HS3ST5: variants seen among roughly 807,000 people sequenced by gnomAD.
HS3ST5 encodes heparan sulfate-glucosamine 3-sulfotransferase 5, also known as heparan sulfate glucosamine 3-O-sulfotransferase 5.
A neutral mutation model predicts 25.4 loss-of-function variants in HS3ST5; 10 were observed. That is an observed-to-expected ratio of 0.39 (90% CI 0.24 to 0.67). The LOEUF (loss-of-function observed/expected upper bound fraction) is 0.67. Among genes scored for constraint, HS3ST5 ranks in the 30% least tolerant of loss-of-function variants. The pLI is 0.44. For missense variants in HS3ST5, 324 were observed against 420.7 expected (o/e 0.77, Z 2.01); for synonymous variants, 170 against 162.4 (o/e 1.05, Z -0.36).
At chr6:114,239,488 G>C (rs1429974725) in intron 1 of HS3ST5, among the ~76,000 whole-genome samples, 7 of 152,154 alleles carry the variant, frequency 4.6e-5, no homozygotes, top group African/African-American at 7.2e-5. Context: ...AGATGTATGA[G>C]GTAAACAATA....
chr6:114,206,813 T>C (rs967125132), intron 2 of HS3ST5, among the ~76,000 whole-genome samples: 14 of 152,240 alleles, frequency 9.2e-5, no homozygotes, highest in Non-Finnish European at 1.5e-4. Context: ...ATAAGTTTTA[T>C]TTAATCCTGA....
intron 1 of HS3ST5, among the ~76,000 whole-genome samples, chr6:114,276,746 T>C (rs1252153344): frequency 6.6e-6 from 1 of 152,012 alleles, no homozygotes; most frequent in East Asian, 1.9e-4. Context: ...TAGGACAGTT[T>C]CTACAGCAAC....
intron 1 of HS3ST5, among the ~76,000 whole-genome samples, chr6:114,256,759 C>T (rs753845091): frequency 5.3e-5 from 8 of 152,204 alleles, no homozygotes; most frequent in Non-Finnish European, 1.0e-4. Context: ...CCAACCTCTG[C>T]CTGTTACCCA....
chr6:114,204,576 T>G (rs1365781869), intron 2 of HS3ST5, among the ~76,000 whole-genome samples: 1 of 152,202 alleles, frequency 6.6e-6, no homozygotes. Flanking sequence ...TATTTACATA[T>G]ATTTTTAAAA....
At chr6:114,170,992 C>T (rs4945513) in intron 2 of HS3ST5, among the ~76,000 whole-genome samples, 16,826 of 152,050 alleles carry the variant, frequency 0.11, 1,115 homozygotes, top group South Asian at 0.21. Flanking sequence ...ATTGTGGACT[C>T]CTAGTGAGCT....
chr6:114,091,611 G>T (rs1287918419), intron 3 of HS3ST5, among the ~76,000 whole-genome samples: 1 of 152,016 alleles, frequency 6.6e-6, no homozygotes, highest in Non-Finnish European at 1.5e-5. Context: ...ATGAACCCGG[G>T]AGGCAGAGCT....
intron 3 of HS3ST5, among the ~76,000 whole-genome samples, chr6:114,126,717 AG>A (rs1340004061): frequency 1.3e-5 from 2 of 152,130 alleles, no homozygotes; most frequent in East Asian, 1.9e-4. Context: ...TCCATTTTAA[AG>A]GGGTTTCTAG....
rs867677203 is a variant in HS3ST5, at chr6:114,306,253, A to G, written c.-339+35942T>C. 8.7e-4 allele frequency among the ~76,000 whole-genome samples: 90 copies of G among 103,572 alleles called. 1 individual carries two copies. The highest frequency in any genetic ancestry group is 1.5e-3 in the Admixed American group (17 of 11,020). The allele number at this position is 103,572 out of a possible 152,430, so 67.9% of individuals were successfully genotyped here. A position where few individuals can be genotyped will look rare whatever the true frequency, so the allele number is the denominator to read the frequency against. Reference sequence around the variant, plus strand: ...ATGAAATATACATATATATATATATATATACACACACACACACACACACAC... The same window carrying G: ...ATGAAATATACATATATATATATATGTATACACACACACACACACACACAC... On this transcript the variant is annotated intron_variant, in intron 1 of 4. Transcript: ENST00000312719.
At chr6:114,290,004 C>T (rs1774500431) in intron 1 of HS3ST5, among the ~76,000 whole-genome samples, 1 of 151,956 alleles carries the variant, frequency 6.6e-6, no homozygotes, top group Admixed American at 6.6e-5. Flanking sequence ...TCCAAAAAGC[C>T]ACAACAACTT....
chr6:114,337,422 T>C (rs914838721), intron 1 of HS3ST5, among the ~76,000 whole-genome samples: 8 of 152,170 alleles, frequency 5.3e-5, no homozygotes, highest in Non-Finnish European at 1.2e-4. Context: ...TAACACAACA[T>C]TGACCTCTGT....
At chr6:114,066,334 A>G (rs992721047) in intron 3 of HS3ST5, among the ~76,000 whole-genome samples, 1 of 152,186 alleles carries the variant, frequency 6.6e-6, no homozygotes, top group African/African-American at 2.4e-5. Flanking sequence ...TTCTGATTCA[A>G]TGGGTATGCA....
intron 2 of HS3ST5, among the ~76,000 whole-genome samples, chr6:114,196,509 A>T (rs756873775): frequency 1.7e-4 from 26 of 152,152 alleles, no homozygotes; most frequent in Non-Finnish European, 3.4e-4. Flanking sequence ...ACTCTTTGAA[A>T]GGGCAAACAG....
chr6:114,196,892 A>G (rs1314613908), intron 2 of HS3ST5, among the ~76,000 whole-genome samples: 1 of 151,812 alleles, frequency 6.6e-6, no homozygotes, highest in Non-Finnish European at 1.5e-5. Context: ...AAAAATAAAC[A>G]TTGGGTGAAA....
intron 3 of HS3ST5, among the ~76,000 whole-genome samples, chr6:114,112,112 C>A (rs1426856489): frequency 1.3e-5 from 2 of 152,152 alleles, no homozygotes; most frequent in Non-Finnish European, 2.9e-5. Context: ...GTGAGCTGGG[C>A]AGAATAATGG....
At chr6:114,317,371 C>T (rs143621277) in intron 1 of HS3ST5, among the ~76,000 whole-genome samples, 11 of 152,256 alleles carry the variant, frequency 7.2e-5, no homozygotes, top group African/African-American at 1.4e-4. Flanking sequence ...ATCGTTAACA[C>T]ACTTGGAGTA....
Position 114,056,536 on chromosome 6 carries a change from T to G in HS3ST5, c.*721A>C, listed in dbSNP as rs1035235985. ...TTCACAATAAATTAAATAGCCATAT[T>G]CAGTTTACAAAATAGAATTACTTAG... is the stretch of plus-strand genomic sequence containing the variant. On this transcript the variant is annotated 3_prime_UTR_variant, in exon 5 of 5. Coordinates refer to ENST00000312719, the MANE Select transcript of HS3ST5 (RefSeq NM_153612.4). 1.3e-5 allele frequency: 2 copies of G among 152,180 alleles called. No homozygotes were observed. The highest frequency in any genetic ancestry group is 4.8e-5 in the African/African-American group (2 of 41,442). The allele number at this position is 152,180 out of a possible 1,614,324, so 9.4% of individuals were successfully genotyped here.
chr6:114,328,179 T>C (rs1009380443), intron 1 of HS3ST5, among the ~76,000 whole-genome samples: 1 of 150,520 alleles, frequency 6.6e-6, no homozygotes, highest in Non-Finnish European at 1.5e-5. Flanking sequence ...GAGATGTGTA[T>C]AGGGTTAAGT....
chr6:114,084,419 CT>C, intron 3 of HS3ST5: 1 of 755,798 alleles, frequency 1.3e-6, no homozygotes, highest in Non-Finnish European at 2.4e-6. Context: ...GCCTGCTCTT[CT>C]TTTTCAGTCT....
chr6:114,129,493 G>A (rs1461642843), intron 3 of HS3ST5, among the ~76,000 whole-genome samples: 1 of 152,092 alleles, frequency 6.6e-6, no homozygotes, highest in African/African-American at 2.4e-5. Flanking sequence ...CTGACCTCGT[G>A]ATCCGCCTGC....
Sources: gnomAD v4.1 joint callset for allele counts (sites outside exome capture counted in the v4.1 genomes callset) on GRCh38, gnomAD v4.1.1 for gene constraint, MANE v1.5 for transcripts, NCBI Gene and HGNC (gene_info 2026-07-23, HGNC 2026-07-21) for gene names.